Variants in PELI1 observed in about 807,000 individuals in gnomAD.
PELI1 encodes E3 ubiquitin-protein ligase pellino homolog 1.
PELI1 carries 15 observed loss-of-function variants against 41.3 expected under a neutral mutation model. That is an observed-to-expected ratio of 0.36 (90% confidence interval 0.24 to 0.56). PELI1 has a LOEUF of 0.56. Ranked by LOEUF, PELI1 falls within the 20% of genes least tolerant of loss-of-function variation. The pLI is 0.82. For missense variants in PELI1, 403 were observed against 525.5 expected (o/e 0.77, Z 2.28); for synonymous variants, 178 against 180.1 (o/e 0.99, Z 0.09).
At chr2:64,106,075 G>C (rs1558475508) in intron 2 of PELI1, 2 of 152,228 alleles carry the variant, frequency 1.3e-5, no homozygotes, top group East Asian at 3.8e-4. Context: ...TAGCCTTGCT[G>C]TAAGTCCAAA....
At chr2:64,133,374 TAA>T (rs1384332310) in intron 1 of PELI1, among the ~76,000 whole-genome samples, 1 of 152,128 alleles carries the variant, frequency 6.6e-6, no homozygotes, top group African/African-American at 2.4e-5. Context: ...GCAAATTATT[TAA>T]AGTCATAGAA....
intron 1 of PELI1, among the ~76,000 whole-genome samples, chr2:64,109,384 A>G (rs1206408220): frequency 6.6e-6 from 1 of 152,234 alleles, no homozygotes; most frequent in Non-Finnish European, 1.5e-5. Context: ...AAGATTTAAA[A>G]CAATGCAAAA....
At chr2:64,131,514 C>G (rs1015643911) in intron 1 of PELI1, among the ~76,000 whole-genome samples, 2 of 152,086 alleles carry the variant, frequency 1.3e-5, no homozygotes, top group African/African-American at 4.8e-5. Flanking sequence ...GTTCAATCCT[C>G]AGATGCAGAT....
Position 64,092,771 on chromosome 2 carries a change from AG to A in PELI1, c.*1930del, listed in dbSNP as rs1680098273. 1 of 151,118 alleles carries A rather than the reference AG, an allele frequency of 6.6e-6. No homozygotes were observed. Among genetic ancestry groups the A allele is most frequent in the Admixed American group, 6.6e-5 (1 of 15,224 alleles). The allele number at this position is 151,118 out of a possible 1,614,324, so 9.4% of individuals were successfully genotyped here. ...ATCTATTTCAAATGAGTATTTTTGG[AG>A]TGTGGAATAGAGTTGTTCACAGTTT... On this transcript the variant is annotated 3_prime_UTR_variant, in exon 7 of 7. Coordinates refer to ENST00000358912, the MANE Select transcript of PELI1 (RefSeq NM_020651.4).
intron 1 of PELI1, among the ~76,000 whole-genome samples, chr2:64,131,529 T>C (rs1036014863): frequency 6.6e-6 from 1 of 152,110 alleles, no homozygotes; most frequent in Non-Finnish European, 1.5e-5. Flanking sequence ...GCAGATTCCA[T>C]GGATACAGAA....
At chr2:64,122,678 G>C (rs1166568053) in intron 1 of PELI1, among the ~76,000 whole-genome samples, 1 of 152,150 alleles carries the variant, frequency 6.6e-6, no homozygotes, top group Non-Finnish European at 1.5e-5. Flanking sequence ...AATTCACGCA[G>C]ATGGCATTTG....
chr2:64,132,560 A>G (rs1184348836), intron 1 of PELI1, among the ~76,000 whole-genome samples: 1 of 152,224 alleles, frequency 6.6e-6, no homozygotes, highest in East Asian at 1.9e-4. Context: ...AGACTCTATT[A>G]TACTACCTTA....
intron 2 of PELI1, among the ~76,000 whole-genome samples, chr2:64,105,209 A>G (rs963347959): frequency 6.6e-6 from 1 of 152,232 alleles, no homozygotes. Context: ...ACCTTTAAAA[A>G]GTACAGTATG....
At chr2:64,101,128 CTCTGA>C (rs1012566728) in intron 3 of PELI1, among the ~76,000 whole-genome samples, 4 of 152,070 alleles carry the variant, frequency 2.6e-5, no homozygotes, top group Non-Finnish European at 5.9e-5. Context: ...AATAGTACTG[CTCTGA>C]TAAGAAAATC....
At chr2:64,103,789 T>C (rs2103680521) in intron 3 of PELI1, among the ~76,000 whole-genome samples, 1 of 152,356 alleles carries the variant, frequency 6.6e-6, no homozygotes, top group South Asian at 2.1e-4. Context: ...TTTACAAAGA[T>C]ATGCTTCAGA....
chr2:64,104,966 G>T, intron 2 of PELI1, 136 bp from the exon 3 acceptor site: 1 of 692,112 alleles, frequency 1.4e-6, no homozygotes, highest in South Asian at 2.9e-5. Flanking sequence ...AAATTCCTTT[G>T]AGCAACTGTT....
chr2:64,102,355 CACAT>C (rs1680470899), intron 3 of PELI1, among the ~76,000 whole-genome samples: 1 of 151,788 alleles, frequency 6.6e-6, no homozygotes, highest in Admixed American at 6.6e-5. Flanking sequence ...CACGCACACA[CACAT>C]ATACATATAT....
rs1558478073 is a variant in PELI1 at position 64,111,803 on chromosome 2, G to T, written c.-69-3424C>A. 2.0e-5 allele frequency among the ~76,000 whole-genome samples: 3 copies of T among 152,104 alleles called. No individual in the cohort carries two copies. The East Asian group carries it at 5.8e-4, about 29-fold the overall frequency. ...CTTTAGTATATAAACATGTATTCAT[G>T]CCCTCTCATTTCCCCTCTAAGAAGC... On this transcript the variant is annotated intron_variant, in intron 1 of 6. Transcript: ENST00000358912.
intron 3 of PELI1, among the ~76,000 whole-genome samples, chr2:64,102,746 T>A (rs1680487365): frequency 6.6e-6 from 1 of 152,098 alleles, no homozygotes; most frequent in Non-Finnish European, 1.5e-5. Context: ...TTTTAACTAC[T>A]CATCCCAGAT....
At chr2:64,136,956 T>C (rs1039047774) in intron 1 of PELI1, among the ~76,000 whole-genome samples, 18 of 152,080 alleles carry the variant, frequency 1.2e-4, no homozygotes, top group Admixed American at 4.6e-4. Context: ...TGGACATAAA[T>C]AACAAGAAAA....
chr2:64,096,279 T>C lies in PELI1; in HGVS notation c.536A>G (p.Gln179Arg). 1 of 1,614,130 alleles carries C rather than the reference T, an allele frequency of 6.2e-7. No homozygotes were observed. Among genetic ancestry groups the C allele is most frequent in the Non-Finnish European group, 8.5e-7 (1 of 1,179,924 alleles). The change falls in exon 6 of 7, where the codon CAG becomes CGG. Residue 179 changes from glutamine to arginine, a missense_variant. Physicochemically the swap from Gln to Arg is conservative, Grantham distance 43 (BLOSUM62 1). Transcript: ENST00000358912. ...ACCATTAGTGGTCAAGCCATCCATC[T>C]GTCCATCTGATGTCTTCCATTTGGC... Reference protein sequence around the residue: ...KAAKWKTSDGQMDGLTTNGVL... With the variant: ...KAAKWKTSDGRMDGLTTNGVL...
At chr2:64,103,687 A>G (rs1680522945) in intron 3 of PELI1, among the ~76,000 whole-genome samples, 2 of 152,336 alleles carry the variant, frequency 1.3e-5, no homozygotes, top group South Asian at 4.1e-4. Context: ...ACTGGATATA[A>G]AACAAAGCTG....
intron 4 of PELI1, among the ~76,000 whole-genome samples, chr2:64,097,572 C>A (rs1398535608): frequency 2.6e-5 from 4 of 152,108 alleles, no homozygotes; most frequent in African/African-American, 9.7e-5. Flanking sequence ...AAAAGGAAAT[C>A]AATGGGGAGA....
chr2:64,102,558 G>C (rs1032836539), intron 3 of PELI1, among the ~76,000 whole-genome samples: 1 of 152,108 alleles, frequency 6.6e-6, no homozygotes, highest in African/African-American at 2.4e-5. Flanking sequence ...ACTTTTCAAT[G>C]AAACAATTAC....
Sources: allele counts gnomAD v4.1 joint callset (sites outside exome capture counted in the v4.1 genomes callset), GRCh38; gene constraint gnomAD v4.1.1; transcripts MANE v1.5; gene names NCBI Gene and HGNC (gene_info 2026-07-23, HGNC 2026-07-21).